PITPNM3: variants seen among roughly 807,000 people sequenced by gnomAD.
PITPNM3 encodes membrane-associated phosphatidylinositol transfer protein 3.
A neutral mutation model predicts 102.0 loss-of-function variants in PITPNM3; 26 were observed. That is an observed-to-expected ratio of 0.25 (90% CI 0.19 to 0.35). The LOEUF (loss-of-function observed/expected upper bound fraction) is 0.35. Among genes scored for constraint, PITPNM3 ranks in the 10% least tolerant of loss-of-function variants. The pLI, the probability that PITPNM3 is intolerant of heterozygous loss-of-function variation, is 1.00. For synonymous variants in PITPNM3, 578 were observed against 558.6 expected (o/e 1.03, Z -0.49); for missense variants, 1,083 against 1,346.1 (o/e 0.80, Z 3.06).
At chr17:6,484,352 C>T in intron 4 of PITPNM3, 60 bp from the exon 5 acceptor site, 1 of 1,499,728 alleles carries the variant, frequency 6.7e-7, no homozygotes, top group Non-Finnish European at 9.3e-7. Context: ...ACCAGACACT[C>T]CCTGGGCCCA....
chr17:6,511,541 G>A (rs1262626856), intron 3 of PITPNM3, among the ~76,000 whole-genome samples: 1 of 152,186 alleles, frequency 6.6e-6, no homozygotes, highest in Non-Finnish European at 1.5e-5. Flanking sequence ...GAAAATGTGG[G>A]TCCCTTTGTT....
At chr17:6,461,163 A>C (rs1032019835) in intron 18 of PITPNM3, among the ~76,000 whole-genome samples, 47 of 152,232 alleles carry the variant, frequency 3.1e-4, no homozygotes, top group Admixed American at 3.0e-3. Flanking sequence ...ATCTAGGGCA[A>C]GTTGCCGGAG....
chr17:6,503,407 AAGATGGCAGGGATCCTGCCATCC>A, intron 4 of PITPNM3, 97 bp downstream of exon 4: 1 of 1,202,170 alleles, frequency 8.3e-7, no homozygotes, highest in South Asian at 1.3e-5. Flanking sequence ...GCCTGCAGGC[AAGATGGCAGGGATCCTGCCATCC>A]TTTCAGGCTC....
In PITPNM3 at chr17:6,476,856, C is replaced by T. The variant is rs117049370; in HGVS notation, c.1085+173G>A. Among the ~76,000 whole-genome samples the T allele has an allele frequency of 3.2e-4, 48 of 152,248 alleles. No homozygotes were observed. In the East Asian group the frequency reaches 7.5e-3, roughly 24 times the overall value. ...TTCCAGAGTCTCAGTACAGGGCTGC[C>T]GACGAGTGGCTGTGGTCCCTCAGTA... On this transcript the variant is annotated intron_variant, in intron 9 of 19. Coordinates refer to ENST00000262483, the MANE Select transcript of PITPNM3 (RefSeq NM_031220.4).
intron 4 of PITPNM3, among the ~76,000 whole-genome samples, chr17:6,493,430 A>T (rs1473463484): frequency 1.3e-5 from 2 of 152,206 alleles, no homozygotes; most frequent in Non-Finnish European, 2.9e-5. Context: ...AGGACAAATA[A>T]GGGTTGGGGT....
At chr17:6,551,197 A>T (rs1445999778) in intron 1 of PITPNM3, among the ~76,000 whole-genome samples, 2 of 152,082 alleles carry the variant, frequency 1.3e-5, no homozygotes, top group African/African-American at 4.8e-5. Context: ...GTCTACTAAA[A>T]ATACAAAAAA....
chr17:6,515,171 G>T (rs917040029), intron 3 of PITPNM3, among the ~76,000 whole-genome samples: 1 of 151,852 alleles, frequency 6.6e-6, no homozygotes, highest in Non-Finnish European at 1.5e-5. Flanking sequence ...CGAGGTGGGC[G>T]GATCACTTGA....
chr17:6,495,932 G>A (rs906079748), intron 4 of PITPNM3, among the ~76,000 whole-genome samples: 11 of 152,178 alleles, frequency 7.2e-5, no homozygotes, highest in African/African-American at 1.9e-4. Context: ...ATCTCTGCCC[G>A]ACTCAGCCCG....
At position 6,472,961 on chromosome 17, in the gene PITPNM3, G is replaced by A. The variant is rs188368801; in HGVS notation, c.1259-134C>T. On this transcript the variant is annotated intron_variant, in intron 10 of 19. Coordinates refer to ENST00000262483, the MANE Select transcript of PITPNM3 (RefSeq NM_031220.4). This position sits in a 1 kb window ranked among gnomAD's most constrained non-coding sequence, Gnocchi z 4.1. Reference sequence around the variant, plus strand: ...CCTCCCCGGGCTCCCTGCTCCCCACGGGAACAAAGCCATTACGTTCAGTTT... The same window carrying A: ...CCTCCCCGGGCTCCCTGCTCCCCACAGGAACAAAGCCATTACGTTCAGTTT... 22 of 1,095,178 alleles carry A rather than the reference G, an allele frequency of 2.0e-5. No homozygotes were observed. Among genetic ancestry groups the A allele is most frequent in the African/African-American group, 9.4e-5 (6 of 64,056 alleles). 67.8% of individuals were successfully genotyped at this position (1,095,178 alleles called of 1,614,324 possible). A position where few individuals can be genotyped will look rare whatever the true frequency, so the allele number is the denominator to read the frequency against.
intron 3 of PITPNM3, among the ~76,000 whole-genome samples, chr17:6,520,899 T>C (rs1908469217): frequency 6.6e-6 from 1 of 152,180 alleles, no homozygotes; most frequent in South Asian, 2.1e-4. Flanking sequence ...GGACAAATAC[T>C]GAATGATCCC....
chr17:6,500,369 T>G (rs1907097635), intron 4 of PITPNM3, among the ~76,000 whole-genome samples: 1 of 152,210 alleles, frequency 6.6e-6, no homozygotes, highest in Admixed American at 6.5e-5. Flanking sequence ...AGGTCACAGA[T>G]TTTTTCTTCT....
Position 6,474,546 on chromosome 17 carries a change from G to C in PITPNM3, c.1144C>G (p.Leu382Val). The C allele has an allele frequency of 1.2e-6, 2 of 1,606,384 alleles. No homozygotes were observed. Among genetic ancestry groups the C allele is most frequent in the Non-Finnish European group, 1.7e-6 (2 of 1,176,894 alleles). The part of the protein sequence containing the change: ...SETPAAGGPQ[L>V]PEVSLGRFDF... ...AAGCGGCCCAGGCTGACCTCAGGGA[G>C]CTGCGGCCCCCCAGCCGCCGGGGTC... is the stretch of plus-strand genomic sequence containing the variant. Residue 382 changes from leucine to valine, a missense_variant, in exon 10 of 20, where the codon CTC becomes GTC. Leu to Val is a conservative substitution (Grantham distance 32). Transcript: ENST00000262483.
intron 1 of PITPNM3, among the ~76,000 whole-genome samples, chr17:6,551,511 C>T (rs565600340): frequency 1.3e-5 from 2 of 152,140 alleles, no homozygotes; most frequent in African/African-American, 2.4e-5. Context: ...GTAGAGTAAT[C>T]GGTGCCCTAG....
At position 6,482,028 on chromosome 17, in the gene PITPNM3, C is replaced by CTCTG. The variant is rs1567670265; in HGVS notation, c.587+1488_587+1489insCAGA. Among the ~76,000 whole-genome samples the CTCTG allele has an allele frequency of 2.4e-4, 23 of 95,770 alleles. 2 individuals carry two copies. The highest frequency in any genetic ancestry group is 4.0e-4 in the South Asian group (1 of 2,500). 62.8% of individuals were successfully genotyped at this position (95,770 alleles called of 152,430 possible). Reference sequence around the variant, plus strand: ...TCTCTCTCTCTCTCTCTCTCTCTCTCTCTCTCTGTCTGTCTCTCTCTCTCT... The same window carrying CTCTG: ...TCTCTCTCTCTCTCTCTCTCTCTCTCTCTGTCTCTCTGTCTGTCTCTCTCTCTCT... On this transcript the variant is annotated intron_variant, in intron 6 of 19. Coordinates refer to ENST00000262483, the MANE Select transcript of PITPNM3 (RefSeq NM_031220.4).
chr17:6,498,472 T>A (rs977731395), intron 4 of PITPNM3, among the ~76,000 whole-genome samples: 1 of 152,184 alleles, frequency 6.6e-6, no homozygotes, highest in African/African-American at 2.4e-5. Flanking sequence ...AGAACCAGCC[T>A]TTCCTCCTCC....
intron 4 of PITPNM3, among the ~76,000 whole-genome samples, chr17:6,491,096 GGAGGGGAGGGGAGGGGAGGC>G (rs1348121054): frequency 1.1e-5 from 1 of 88,846 alleles, no homozygotes; most frequent in African/African-American, 4.5e-5. Flanking sequence ...GGAAGGGAAG[GGAGGGGAGGGGAGGGGAGGC>G]GAGGGGAGGG....
chr17:6,538,147 C>T, intron 1 of PITPNM3, 65 bp from the exon 2 acceptor site: 2 of 1,240,766 alleles, frequency 1.6e-6, no homozygotes, highest in Non-Finnish European at 2.4e-6. Flanking sequence ...GGAGGTGACC[C>T]AAGACCCCCC....
rs1436965454 is a variant in PITPNM3 at position 6,474,624 on chromosome 17, C to T, written c.1086-20G>A. The stretch of plus-strand genomic sequence containing the variant: ...TGGATGCTGCGGAGGGAGGAGGACG[C>T]AGGGCAGGGCAGGTCAGGGAAGGAC... On this transcript the variant is annotated intron_variant, in intron 9 of 19. Transcript: ENST00000262483. 1 of 1,549,964 alleles carries T rather than the reference C, an allele frequency of 6.5e-7. No homozygotes were observed. The highest frequency in any genetic ancestry group is 8.7e-7 in the Non-Finnish European group (1 of 1,147,640).
At chr17:6,499,193 C>T (rs1196668173) in intron 4 of PITPNM3, among the ~76,000 whole-genome samples, 4 of 152,190 alleles carry the variant, frequency 2.6e-5, no homozygotes, top group Non-Finnish European at 2.9e-5. Flanking sequence ...ATCAGGCTCA[C>T]GCCAGTGACA....
Sources: gnomAD v4.1 joint callset for allele counts (sites outside exome capture counted in the v4.1 genomes callset) on GRCh38, gnomAD v4.1.1 for gene constraint, Gnocchi (gnomAD v3.1) non-coding constraint, MANE v1.5 for transcripts, NCBI Gene and HGNC (gene_info 2026-07-23, HGNC 2026-07-21) for gene names.